The following JMY variants were observed in gnomAD, a reference collection of about 807,000 sequenced individuals.
JMY encodes the protein junction-mediating and -regulatory protein.
Under a neutral mutation model 103.3 loss-of-function variants are expected in JMY, and 46 were observed. The ratio of observed to expected loss-of-function variants is 0.45; its 90% CI spans 0.35 to 0.57. The LOEUF (loss-of-function observed/expected upper bound fraction) is 0.57, where lower values mean the gene tolerates loss of function less well. Among genes scored for constraint, JMY ranks in the 20% least tolerant of loss-of-function variants. JMY has a pLI of 0.00. For missense variants in JMY, 1,238 were observed against 1,255.2 expected, an observed-to-expected ratio of 0.99 and a Z score of 0.21; for synonymous variants, 526 against 489.3, an observed-to-expected ratio of 1.07 and a Z score of -0.99.
intron 1 of JMY, among the ~76,000 whole-genome samples, chr5:79,244,430 G>A (rs1261877635): frequency 6.6e-6 from 1 of 152,174 alleles, no homozygotes; most frequent in Non-Finnish European, 1.5e-5. Flanking sequence ...GGGAGAGAAG[G>A]GAGAAGATGG....
At chr5:79,292,284 G>T (rs757822860) in intron 4 of JMY, among the ~76,000 whole-genome samples, 1 of 151,926 alleles carries the variant, frequency 6.6e-6, no homozygotes. Context: ...TTAAACTTAA[G>T]TCCCTCTTTT....
chr5:79,319,530 G>A (rs1010535698), intron 10 of JMY, among the ~76,000 whole-genome samples: 1 of 150,998 alleles, frequency 6.6e-6, no homozygotes, highest in Non-Finnish European at 1.5e-5. Context: ...AGGCTTTACC[G>A]CAATTTGTAT....
chr5:79,249,776 T>G (rs1745019943), intron 1 of JMY, among the ~76,000 whole-genome samples: 2 of 152,210 alleles, frequency 1.3e-5, no homozygotes, highest in African/African-American at 4.8e-5. Flanking sequence ...TCAGTCTCCC[T>G]TGACTCAAGA....
At chr5:79,251,072 T>C (rs1274294962) in intron 1 of JMY, among the ~76,000 whole-genome samples, 1 of 152,182 alleles carries the variant, frequency 6.6e-6, no homozygotes, top group Admixed American at 6.6e-5. Context: ...ATGCTGATTT[T>C]TTTAACAAGC....
intron 1 of JMY, among the ~76,000 whole-genome samples, chr5:79,268,247 T>C (rs1048208490): frequency 6.6e-6 from 1 of 152,120 alleles, no homozygotes. Context: ...CCTGTCTATC[T>C]CTCAGTCATC....
chr5:79,266,702 A>G (rs1745597237), intron 1 of JMY, among the ~76,000 whole-genome samples: 1 of 152,172 alleles, frequency 6.6e-6, no homozygotes, highest in African/African-American at 2.4e-5. Flanking sequence ...GTATTTTTGT[A>G]TCCATTAACC....
chr5:79,259,692 T>C (rs1745358964), intron 1 of JMY, among the ~76,000 whole-genome samples: 1 of 152,234 alleles, frequency 6.6e-6, no homozygotes, highest in Admixed American at 6.5e-5. Flanking sequence ...CCCCCGAGCC[T>C]GTGCACACCC....
chr5:79,238,498 C>T (rs1439709034), intron 1 of JMY, among the ~76,000 whole-genome samples: 16 of 152,134 alleles, frequency 1.1e-4, no homozygotes, highest in Admixed American at 1.0e-3. Flanking sequence ...CTAGCTTCTG[C>T]TGAAGGAACT....
At chr5:79,277,507 G>A (rs1283858070) in intron 1 of JMY, among the ~76,000 whole-genome samples, 4 of 151,852 alleles carry the variant, frequency 2.6e-5, no homozygotes, top group Non-Finnish European at 4.4e-5. Context: ...GTGTGGTGGT[G>A]TGTGCCTGTA....
At chr5:79,267,750 A>G (rs754328018) in intron 1 of JMY, among the ~76,000 whole-genome samples, 1 of 152,164 alleles carries the variant, frequency 6.6e-6, no homozygotes, top group Non-Finnish European at 1.5e-5. Context: ...ATTTCATTGT[A>G]TGGATGTACT....
At position 79,236,332 on chromosome 5, in the gene JMY, C is replaced by T. The variant is rs1442745967; in HGVS notation, c.-319C>T. 2 of 214,666 alleles carry T rather than the reference C, an allele frequency of 9.3e-6. No individual in the cohort carries two copies. The highest frequency in any genetic ancestry group is 9.1e-6 in the Non-Finnish European group (1 of 109,408). The allele number at this position is 214,666 out of a possible 1,614,324, so 13.3% of individuals were successfully genotyped here. On this transcript the variant is annotated 5_prime_UTR_variant, in exon 1 of 11. Coordinates refer to ENST00000396137, the MANE Select transcript of JMY (RefSeq NM_152405.5). Reference sequence around the variant, plus strand: ...CCACCGGAGCGCCGCAGACGCAGCTCCACGGCCTCGCGCGGGGGGCGGCGG... The same window carrying T: ...CCACCGGAGCGCCGCAGACGCAGCTTCACGGCCTCGCGCGGGGGGCGGCGG...
chr5:79,253,335 C>G (rs768171688), intron 1 of JMY, among the ~76,000 whole-genome samples: 1 of 152,020 alleles, frequency 6.6e-6, no homozygotes, highest in Non-Finnish European at 1.5e-5. Flanking sequence ...CTCTGTCGCC[C>G]AGGCTGGAGT....
intron 7 of JMY, 97 bp from the exon 8 acceptor site, chr5:79,312,306 C>A: frequency 3.3e-6 from 2 of 606,668 alleles, no homozygotes; most frequent in Non-Finnish European, 5.3e-6. Flanking sequence ...GTGAATCATC[C>A]CCTTTGGCCC....
intron 2 of JMY, among the ~76,000 whole-genome samples, chr5:79,285,203 T>A (rs1374550371): frequency 6.6e-6 from 1 of 152,214 alleles, no homozygotes; most frequent in Non-Finnish European, 1.5e-5. Flanking sequence ...AATTCTTGAA[T>A]GTGCATTTCA....
chr5:79,309,859 A>G (rs1746993867), intron 7 of JMY, among the ~76,000 whole-genome samples: 2 of 152,144 alleles, frequency 1.3e-5, no homozygotes, highest in Admixed American at 6.5e-5. Context: ...CCCTGCTATA[A>G]CCATTTGTAC....
intron 1 of JMY, among the ~76,000 whole-genome samples, chr5:79,259,191 C>G (rs2112063318): frequency 6.6e-6 from 1 of 152,214 alleles, no homozygotes; most frequent in Admixed American, 6.5e-5. Flanking sequence ...CGACGAGTGT[C>G]CAGCTCTCAG....
rs1744536838 is a variant in JMY, at chr5:79,237,071, A to G, written c.421A>G (p.Arg141Gly). ...CAGCAAAGGGGCGGAGAGTCGTCTT[A>G]GGAGCCCAGTGCGGGCCAAACCCAT... ...PGSKGAESRL[R>G]SPVRAKPIPG... is the part of the protein sequence containing the mutation. Residue 141 changes from arginine to glycine, a missense_variant, in exon 1 of 11, where the codon AGG becomes GGG. Transcript: ENST00000396137. 6.5e-7 allele frequency: 1 copy of G among 1,538,616 alleles called. No homozygotes were observed. The highest frequency in any genetic ancestry group is 2.5e-5 in the East Asian group (1 of 40,556).
intron 3 of JMY, 98 bp downstream of exon 3, chr5:79,290,369 C>A (rs1746384573): frequency 2.6e-6 from 2 of 762,950 alleles, no homozygotes; most frequent in African/African-American, 3.6e-5. Context: ...ATATAAAGAT[C>A]ACTCATAATC....
In JMY at chr5:79,237,186, C is replaced by T; in HGVS notation, c.536C>T (p.Ser179Phe). Reference sequence around the variant, plus strand: ...GCGCCCAGAGAGGCCCAGGTGTCCTCTGTACGGATAGTGAGCGCCTCTGGG... The same window carrying T: ...GCGCCCAGAGAGGCCCAGGTGTCCTTTGTACGGATAGTGAGCGCCTCTGGG... ...RPAPREAQVSSVRIVSASGTV... is the reference protein window; with the variant it reads ...RPAPREAQVSFVRIVSASGTV... Residue 179 changes from serine to phenylalanine, a missense_variant, in exon 1 of 11, where the codon TCT (serine) becomes TTT (phenylalanine). By Grantham distance (155) the Ser-to-Phe change is radical. Transcript: ENST00000396137. The T allele has an allele frequency of 1.3e-6, 2 of 1,550,364 alleles. No homozygotes were observed. Among genetic ancestry groups the T allele is most frequent in the African/African-American group, 2.7e-5 (2 of 73,178 alleles).
Sources: gnomAD v4.1 joint callset for allele counts (sites outside exome capture counted in the v4.1 genomes callset) on GRCh38, gnomAD v4.1.1 for gene constraint, MANE v1.5 for transcripts, NCBI Gene and HGNC (gene_info 2026-07-23, HGNC 2026-07-21) for gene names.